Variants in GRIN2A observed in about 807,000 individuals in gnomAD.
GRIN2A encodes the protein glutamate ionotropic receptor NMDA type subunit 2A, also known as glutamate receptor ionotropic, NMDA 2A.
Under a neutral mutation model 113.4 loss-of-function variants are expected in GRIN2A, and 22 were observed. That is an observed-to-expected ratio of 0.19 (90% CI 0.14 to 0.28). The LOEUF (loss-of-function observed/expected upper bound fraction) is 0.28. GRIN2A is among the 10% of genes least tolerant of loss of function. The pLI is 1.00. For synonymous variants in GRIN2A, 827 were observed against 738.4 expected, an observed-to-expected ratio of 1.12 and a Z score of -1.94; for missense variants, 1,502 against 1,887.0, an observed-to-expected ratio of 0.80 and a Z score of 3.78.
chr16:9,865,029 T>A (rs1435556918), intron 4 of GRIN2A, among the ~76,000 whole-genome samples: 1 of 152,176 alleles, frequency 6.6e-6, no homozygotes, highest in African/African-American at 2.4e-5. Context: ...GATGGTATTT[T>A]GACAATCATT....
chr16:9,797,735 C>T (rs1371456882), intron 11 of GRIN2A, among the ~76,000 whole-genome samples: 2 of 152,162 alleles, frequency 1.3e-5, no homozygotes, highest in Admixed American at 6.5e-5. Flanking sequence ...CGTTTCTCAA[C>T]CACAGCCTAC....
intron 2 of GRIN2A, among the ~76,000 whole-genome samples, chr16:10,154,261 G>A (rs7202971): frequency 2.1e-3 from 315 of 152,218 alleles, no homozygotes; most frequent in African/African-American, 5.8e-3. Flanking sequence ...CGGTGGGCAC[G>A]TTGCATGAAC....
intron 10 of GRIN2A, among the ~76,000 whole-genome samples, chr16:9,813,580 GC>G (rs1163423079): frequency 8.5e-6 from 1 of 118,130 alleles, no homozygotes; most frequent in Admixed American, 9.1e-5. Context: ...TTTAACTCCT[GC>G]CCCCCACAGA....
At chr16:10,165,305 G>C (rs948548253) in intron 2 of GRIN2A, among the ~76,000 whole-genome samples, 1 of 151,834 alleles carries the variant, frequency 6.6e-6, no homozygotes, top group Non-Finnish European at 1.5e-5. Flanking sequence ...TGTAAATAAG[G>C]TATAGGAAAA....
At chr16:9,959,416 G>T (rs1311045703) in intron 2 of GRIN2A, among the ~76,000 whole-genome samples, 1 of 152,202 alleles carries the variant, frequency 6.6e-6, no homozygotes, top group Non-Finnish European at 1.5e-5. Flanking sequence ...TAATAGGCTT[G>T]TAGGTTCCAC....
chr16:9,802,706 C>G (rs1185220197), intron 10 of GRIN2A, among the ~76,000 whole-genome samples: 2 of 152,186 alleles, frequency 1.3e-5, no homozygotes, highest in South Asian at 2.1e-4. Context: ...ATAAAACCCT[C>G]TAGGACAACA....
chr16:9,797,237 C>T (rs1903051988), intron 11 of GRIN2A, among the ~76,000 whole-genome samples: 1 of 152,246 alleles, frequency 6.6e-6, no homozygotes. Flanking sequence ...AACGGGGCTT[C>T]TGCCCTCTGG....
chr16:9,875,001 T>C lies in GRIN2A; in HGVS notation c.1122+15985A>G, dbSNP rs553394801. Among the ~76,000 whole-genome samples the C allele has an allele frequency of 3.3e-5, 5 of 151,290 alleles. No individual in the cohort carries two copies. In the South Asian group the frequency reaches 8.5e-4, roughly 26 times the overall value. On this transcript the variant is annotated intron_variant, in intron 4 of 12. Coordinates refer to ENST00000330684, the MANE Select transcript of GRIN2A (RefSeq NM_001134407.3). The stretch of plus-strand genomic sequence containing the variant: ...TACTTGAGGGGCAGAGGCTGGATAA[T>C]TGCTCAAGCCCAGGAGGTCGAGGCC...
chr16:10,063,538 A>G (rs2047591187), intron 2 of GRIN2A, among the ~76,000 whole-genome samples: 1 of 152,226 alleles, frequency 6.6e-6, no homozygotes, highest in African/African-American at 2.4e-5. Context: ...TGAGAAGGAA[A>G]TAAAATTCTT....
intron 2 of GRIN2A, among the ~76,000 whole-genome samples, chr16:10,079,733 A>G (rs1354884276): frequency 6.6e-6 from 1 of 152,216 alleles, no homozygotes; most frequent in Non-Finnish European, 1.5e-5. Context: ...TAAGAAATAG[A>G]TGTTTGTTGC....
chr16:9,784,450 A>AAAC lies in GRIN2A; in HGVS notation c.2356+13826_2356+13827insGTT, dbSNP rs1555486258. ...TAACAACAACAACAACCAAAAAAAA[A>AAAC]AAACAAACAAACAAAAAACCTAAAA... is the stretch of plus-strand genomic sequence containing the variant. On this transcript the variant is annotated intron_variant, in intron 11 of 12. Coordinates refer to ENST00000330684, the MANE Select transcript of GRIN2A (RefSeq NM_001134407.3). Among the ~76,000 whole-genome samples the AAAC allele has an allele frequency of 2.8e-4, 41 of 148,400 alleles. 1 individual carries two copies. The highest frequency in any genetic ancestry group is 9.3e-4 in the African/African-American group (36 of 38,780).
intron 2 of GRIN2A, among the ~76,000 whole-genome samples, chr16:9,956,412 T>C (rs2045311884): frequency 6.6e-6 from 1 of 152,180 alleles, no homozygotes; most frequent in Non-Finnish European, 1.5e-5. Flanking sequence ...ATTTCACTGA[T>C]CTTTAGAGCT....
intron 11 of GRIN2A, among the ~76,000 whole-genome samples, chr16:9,797,099 T>A (rs923009964): frequency 1.3e-5 from 2 of 152,238 alleles, no homozygotes; most frequent in Non-Finnish European, 2.9e-5. Flanking sequence ...ACTAACCCTA[T>A]GCACTAGCTA....
At chr16:9,889,553 T>C (rs114738250) in intron 4 of GRIN2A, among the ~76,000 whole-genome samples, 1,635 of 152,298 alleles carry the variant, frequency 0.011, 25 homozygotes, top group African/African-American at 0.038. Context: ...GCTTAAATCA[T>C]TGACACTGAA....
intron 2 of GRIN2A, among the ~76,000 whole-genome samples, chr16:10,077,932 A>G (rs1459931456): frequency 6.6e-6 from 1 of 152,190 alleles, no homozygotes; most frequent in East Asian, 1.9e-4. Flanking sequence ...AGGTAAACTC[A>G]GGCCTGGATC....
chr16:9,825,600 A>G (rs867903313), intron 9 of GRIN2A, among the ~76,000 whole-genome samples: 5 of 152,170 alleles, frequency 3.3e-5, no homozygotes, highest in African/African-American at 1.2e-4. Flanking sequence ...TATTAAAAAT[A>G]TCTATCTGTC....
At chr16:10,078,883 C>T (rs1486418071) in intron 2 of GRIN2A, among the ~76,000 whole-genome samples, 1 of 152,244 alleles carries the variant, frequency 6.6e-6, no homozygotes. Flanking sequence ...CCTGCCACAT[C>T]ACCGTCTCTG....
intron 3 of GRIN2A, among the ~76,000 whole-genome samples, chr16:9,925,326 C>A (rs1477567726): frequency 6.6e-6 from 1 of 152,140 alleles, no homozygotes; most frequent in African/African-American, 2.4e-5. Flanking sequence ...AGCGGCTAAC[C>A]CTCACTCCAC....
chr16:9,985,872 T>C (rs1242529711), intron 2 of GRIN2A, among the ~76,000 whole-genome samples: 4 of 152,090 alleles, frequency 2.6e-5, no homozygotes, highest in African/African-American at 7.2e-5. Context: ...AAAGGGTAAA[T>C]GCTTGAGGTG....
Sources: allele counts gnomAD v4.1 joint callset (sites outside exome capture counted in the v4.1 genomes callset), GRCh38; gene constraint gnomAD v4.1.1; transcripts MANE v1.5; gene names NCBI Gene and HGNC (gene_info 2026-07-23, HGNC 2026-07-21).